Variants in TNS2 observed in about 807,000 individuals in gnomAD.
TNS2 encodes the protein tensin-2.
In TNS2, 77 loss-of-function variants were observed where a neutral mutation model predicts 155.7. The observed-to-expected ratio is 0.49, with a 90% CI of 0.41 to 0.60. The LOEUF (loss-of-function observed/expected upper bound fraction) is 0.60, where lower values mean the gene tolerates loss of function less well. Among genes scored for constraint, TNS2 ranks in the 20% least tolerant of loss-of-function variants. The pLI is 0.00. For missense variants in TNS2, 1,703 were observed against 1,868.8 expected, an observed-to-expected ratio of 0.91 and a Z score of 1.64; for synonymous variants, 726 against 763.9, an observed-to-expected ratio of 0.95 and a Z score of 0.82.
upstream of TNS2, chr12:53,049,852 G>T: frequency 2.5e-6 from 1 of 394,098 alleles, no homozygotes; most frequent in Non-Finnish European, 4.8e-6. Flanking sequence ...TCCCTGGAGA[G>T]TGTGGTGTCC....
In TNS2 at chr12:53,060,520, C is replaced by T. The variant is rs997602557; in HGVS notation, c.2733C>T (p.Pro911=). Residue 911 remains proline (P), a synonymous_variant, in exon 19 of 29, where the codon CCC becomes CCT. Transcript: ENST00000314250. The surrounding 1 kb of genome is among the most constrained non-coding windows in gnomAD (Gnocchi z 6.1). ...ASSELSGPST[P]LHTSSPVQGK... is the part of the protein sequence containing the mutation. ...CAGAGTTGTCTGGTCCCTCCACGCCCCTGCACACCAGCAGTCCAGTCCAGG... is the reference window on the plus strand; with the variant it reads ...CAGAGTTGTCTGGTCCCTCCACGCCTCTGCACACCAGCAGTCCAGTCCAGG... 1 of 1,613,852 alleles carries T rather than the reference C, an allele frequency of 6.2e-7. No homozygotes were observed.
At chr12:53,055,356 C>G in intron 8 of TNS2, 120 bp downstream of exon 8, 1 of 1,240,266 alleles carries the variant, frequency 8.1e-7, no homozygotes, top group South Asian at 1.3e-5. Flanking sequence ...CACTTTCCCA[C>G]TCTCCCATGA....
rs760514195 is a variant in TNS2, at chr12:53,053,398, G to C, written c.223-13G>C. The C allele has an allele frequency of 5.6e-6, 9 of 1,613,950 alleles. No homozygotes were observed. The highest frequency in any genetic ancestry group is 1.7e-4 in the Middle Eastern group (1 of 6,060). ...TCACCAGGAGCTCAGTTCCTTACTC[G>C]GTCCCCTTCCAGGTGACTTCAGCCT... On this transcript the variant is annotated splice_polypyrimidine_tract_variant and intron_variant, in intron 3 of 28. Transcript: ENST00000314250.
At position 53,059,984 on chromosome 12, in the gene TNS2, A is replaced by C; in HGVS notation, c.2343A>C (p.Pro781=). 1 of 1,613,280 alleles carries C rather than the reference A, an allele frequency of 6.2e-7. No individual in the cohort carries two copies. The highest frequency in any genetic ancestry group is 8.5e-7 in the Non-Finnish European group (1 of 1,179,882). Residue 781 remains proline (P), a synonymous_variant, in exon 18 of 29, where the codon CCA becomes CCC. Coordinates refer to ENST00000314250, the MANE Select transcript of TNS2 (RefSeq NM_170754.4). This position sits in a 1 kb window ranked among gnomAD's most constrained non-coding sequence, Gnocchi z 4.7. ...GCCCCGAAGGCAGGTATGGGCATCC[A>C]GGGTACCCTGCCCTGGTGACATACA... ...TMCPEGRYGH[P]GYPALVTYSY... is the part of the protein sequence containing the mutation.
chr12:53,057,163 T>C lies in TNS2; in HGVS notation c.845+67T>C, dbSNP rs1944190848. 2.7e-6 allele frequency: 4 copies of C among 1,499,458 alleles called. No homozygotes were observed. In the South Asian group the frequency reaches 3.6e-5, roughly 13 times the overall value. The allele number at this position is 1,499,458 out of a possible 1,614,324, so 92.9% of individuals were successfully genotyped here. ...TTCATGGCTACCAAGGCCAAGACTC[T>C]CTTATTCATGCAGCACACTTTCACT... is the stretch of plus-strand genomic sequence containing the variant. On this transcript the variant is annotated intron_variant, in intron 11 of 28. Coordinates refer to ENST00000314250, the MANE Select transcript of TNS2 (RefSeq NM_170754.4).
chr12:53,059,339 C>A lies in TNS2; in HGVS notation c.1698C>A (p.Asp566Glu). Residue 566 changes from aspartate to glutamate, a missense_variant, in exon 18 of 29, where the codon GAC becomes GAA. Asp to Glu is a conservative substitution (Grantham distance 45). Transcript: ENST00000314250. This position sits in a 1 kb window ranked among gnomAD's most constrained non-coding sequence, Gnocchi z 4.7. The stretch of plus-strand genomic sequence containing the variant: ...GGCGCGAGACGGCCATCCTAGATGA[C>A]GAAGAGCAGCCCACTGTGGGCGGAG... ...GAGRETAILDDEEQPTVGGGP... is the reference protein window; with the variant it reads ...GAGRETAILDEEEQPTVGGGP... The A allele has an allele frequency of 6.9e-7, 1 of 1,444,522 alleles. No homozygotes were observed. Among genetic ancestry groups the A allele is most frequent in the Non-Finnish European group, 9.1e-7 (1 of 1,099,580 alleles). The allele number at this position is 1,444,522 out of a possible 1,614,324, so 89.5% of individuals were successfully genotyped here.
rs1268843087 is a variant in TNS2, at chr12:53,059,376, G to A, written c.1735G>A (p.Gly579Arg). The A allele has an allele frequency of 2.1e-5, 30 of 1,456,608 alleles. No homozygotes were observed. Among genetic ancestry groups the A allele is most frequent in the African/African-American group, 2.9e-5 (2 of 69,420 alleles). The allele number at this position is 1,456,608 out of a possible 1,614,324, so 90.2% of individuals were successfully genotyped here. The change falls in exon 18 of 29, where the codon GGA (glycine) becomes AGA (arginine). Residue 579 changes from glycine to arginine, a missense_variant. Coordinates refer to ENST00000314250, the MANE Select transcript of TNS2 (RefSeq NM_170754.4). The surrounding 1 kb of genome is among the most constrained non-coding windows in gnomAD (Gnocchi z 4.7). The stretch of plus-strand genomic sequence containing the variant: ...CACTGTGGGCGGAGGCCCCCACCTC[G>A]GAGTGTATCCAGGCCATAGGCCTGG... ...QPTVGGGPHLGVYPGHRPGLS... is the reference protein window; with the variant it reads ...QPTVGGGPHLRVYPGHRPGLS...
rs1277747710 is a variant in TNS2 at position 53,053,792 on chromosome 12, G to C, written c.280G>C (p.Val94Leu). 4 of 1,611,994 alleles carry C rather than the reference G, an allele frequency of 2.5e-6. No homozygotes were observed. In the East Asian group the frequency reaches 8.9e-5, roughly 36 times the overall value. Residue 94 changes from valine to leucine, a missense_variant, in exon 5 of 29, where the codon GTC (valine) becomes CTC (leucine). Transcript: ENST00000314250. ...PVELRRNTAP[V>L]RRIEHLGSTK... ...CCTCTAGCGGCGAAACACGGCCCCA[G>C]TCAGGCGCATAGAGCACCTGGTAAG...
In TNS2 at chr12:53,061,812, C is replaced by T. The variant is rs2121168291; in HGVS notation, c.3449-3C>T. The stretch of plus-strand genomic sequence containing the variant: ...CCACTGCCCGCTACCCCTCACCCTG[C>T]AGCCATTGCCCTGCTGAAGGACAAG... On this transcript the variant is annotated splice_region_variant and splice_polypyrimidine_tract_variant and intron_variant, in intron 21 of 28. Transcript: ENST00000314250. 1.2e-6 allele frequency: 2 copies of T among 1,611,312 alleles called. No homozygotes were observed. Among genetic ancestry groups the T allele is most frequent in the African/African-American group, 2.7e-5 (2 of 75,018 alleles).
chr12:53,050,779 A>T lies in TNS2; in HGVS notation c.75+519A>T, dbSNP rs1943902258. 1.3e-5 allele frequency among the ~76,000 whole-genome samples: 2 copies of T among 152,198 alleles called. No individual in the cohort carries two copies. Among genetic ancestry groups the T allele is most frequent in the Non-Finnish European group, 2.9e-5 (2 of 68,030 alleles). ...TTAGTGGGTCCCACAAAGTTGATCC[A>T]GCCCAGAAGAGTTGCAGGGACAGTC... On this transcript the variant is annotated intron_variant, in intron 1 of 28. Transcript: ENST00000314250. The surrounding 1 kb of genome is among the most constrained non-coding windows in gnomAD (Gnocchi z 4.7).
At position 53,058,883 on chromosome 12, in the gene TNS2, G is replaced by C. The variant is rs766363320; in HGVS notation, c.1405+56G>C. Reference sequence around the variant, plus strand: ...CAGGGTTGTGGCGGGACCCTGGGGGGTGGTGCCAGGGAGAAGCACACTCCC... The same window carrying C: ...CAGGGTTGTGGCGGGACCCTGGGGGCTGGTGCCAGGGAGAAGCACACTCCC... On this transcript the variant is annotated intron_variant, in intron 17 of 28. Transcript: ENST00000314250. 8.8e-6 allele frequency: 14 copies of C among 1,591,230 alleles called. No individual in the cohort carries two copies. The Admixed American group carries it at 1.2e-4, about 13-fold the overall frequency.
intron 10 of TNS2, 186 bp from the exon 11 acceptor site, chr12:53,056,826 AC>A: frequency 1.9e-6 from 1 of 536,816 alleles, no homozygotes; most frequent in Admixed American, 3.1e-5. Context: ...AGTTCAGGGA[AC>A]AATTGCCTGA....
intron 3 of TNS2, chr12:53,053,050 G>A: frequency 2.7e-6 from 1 of 366,440 alleles, no homozygotes; most frequent in Non-Finnish European, 5.3e-6. Flanking sequence ...CAGGGCCCTG[G>A]AGCTGGCTTG....
chr12:53,055,498 C>G lies in TNS2; in HGVS notation c.574-70C>G, dbSNP rs1944116134. The stretch of plus-strand genomic sequence containing the variant: ...GCCCCCGGACCCCTATGCCCTGTCC[C>G]CTTTCCACCCTGCCCATCTCTCTCT... On this transcript the variant is annotated intron_variant, in intron 8 of 28. Transcript: ENST00000314250. 3 of 1,539,806 alleles carry G rather than the reference C, an allele frequency of 1.9e-6. No homozygotes were observed. The Admixed American group carries it at 5.6e-5, about 29-fold the overall frequency.
In TNS2 at chr12:53,059,095, A is replaced by T. The variant is rs1444066051; in HGVS notation, c.1454A>T (p.Gln485Leu). ...RGPLDGSPYA[Q>L]VQRPPRQTPP... Reference sequence around the variant, plus strand: ...CCCCTGGATGGCAGTCCTTATGCCCAGGTGCAGCGGCCTCCCCGGCAGACC... The same window carrying T: ...CCCCTGGATGGCAGTCCTTATGCCCTGGTGCAGCGGCCTCCCCGGCAGACC... The change falls in exon 18 of 29, where the codon CAG (glutamine) becomes CTG (leucine). Residue 485 changes from glutamine to leucine, a missense_variant. Gln to Leu is a moderately radical substitution (Grantham distance 113). Transcript: ENST00000314250. This position sits in a 1 kb window ranked among gnomAD's most constrained non-coding sequence, Gnocchi z 4.7. 3.2e-6 allele frequency: 5 copies of T among 1,546,188 alleles called. No homozygotes were observed. In the South Asian group the frequency reaches 6.3e-5, roughly 20 times the overall value.
At chr12:53,062,016 G>A (rs1944398438) in intron 22 of TNS2, 76 bp downstream of exon 22, 2 of 1,611,184 alleles carry the variant, frequency 1.2e-6, no homozygotes, top group Non-Finnish European at 1.7e-6. Context: ...CAGGGCAGGT[G>A]GGGGTGCTGT....
upstream of TNS2, among the ~76,000 whole-genome samples, chr12:53,048,552 G>A (rs955876903): frequency 1.3e-5 from 2 of 152,226 alleles, no homozygotes; most frequent in African/African-American, 4.8e-5. Context: ...GGCCTGGAAT[G>A]TGCTGGGACA....
In TNS2 at chr12:53,054,451, G is replaced by A. The variant is rs201142870; in HGVS notation, c.522+10G>A. 364 of 1,588,700 alleles carry A rather than the reference G, an allele frequency of 2.3e-4. 2 individuals are homozygous for A. The African/African-American group carries it at 4.4e-3, about 19-fold the overall frequency. On this transcript the variant is annotated intron_variant, in intron 7 of 28. Coordinates refer to ENST00000314250, the MANE Select transcript of TNS2 (RefSeq NM_170754.4). ...CCGGGACAAGTACCTGGTGAGGGGCGGGGCCATCAGGAGTCCGCCAATGAG... is the reference window on the plus strand; with the variant it reads ...CCGGGACAAGTACCTGGTGAGGGGCAGGGCCATCAGGAGTCCGCCAATGAG...
chr12:53,056,579 C>T (rs1423088393), intron 10 of TNS2, among the ~76,000 whole-genome samples: 1 of 152,182 alleles, frequency 6.6e-6, no homozygotes, highest in Non-Finnish European at 1.5e-5. Flanking sequence ...CCTCTGTCAT[C>T]ACATGGTGTT....
Sources: allele counts gnomAD v4.1 joint callset (sites outside exome capture counted in the v4.1 genomes callset), GRCh38; gene constraint gnomAD v4.1.1; non-coding constraint Gnocchi (gnomAD v3.1); transcripts MANE v1.5; gene names NCBI Gene and HGNC (gene_info 2026-07-23, HGNC 2026-07-21).